OTUD5: variants seen among roughly 807,000 people sequenced by gnomAD.
The protein encoded by OTUD5 is OTU deubiquitinase 5.
A neutral mutation model predicts 36.3 loss-of-function variants in OTUD5; 2 were observed. The ratio of observed to expected loss-of-function variants is 0.06; its 90% CI spans 0.02 to 0.17. The LOEUF is 0.17. Ranked by LOEUF, OTUD5 falls within the 10% of genes least tolerant of loss-of-function variation. OTUD5 has a pLI of 1.00. For missense variants in OTUD5, 233 were observed against 512.3 expected (o/e 0.45, Z 5.26); for synonymous variants, 234 against 214.9 (o/e 1.09, Z -0.78).
intron 1 of OTUD5, among the ~76,000 whole-genome samples, chrX:48,952,983 C>T (rs1166838669): frequency 8.9e-6 from 1 of 112,164 alleles, no homozygotes; most frequent in African/African-American, 3.2e-5. Flanking sequence ...GAGGAAGAAC[C>T]GGCCAAGGTC....
At chrX:48,949,626 C>T (rs1483469156) in intron 1 of OTUD5, among the ~76,000 whole-genome samples, 1 of 111,006 alleles carries the variant, frequency 9.0e-6, no homozygotes, top group African/African-American at 3.3e-5. Flanking sequence ...TGCAGTGAGC[C>T]GAGATAGCAC....
Position 48,957,217 on chromosome X carries a change from G to A in OTUD5, c.354C>T (p.Gly118=). The change falls in exon 1 of 9, where the codon GGC becomes GGT. Residue 118 remains glycine (G), a synonymous_variant. Transcript: ENST00000376488. ...CGGCACCCACACCCGCCGCCGCTGC[G>A]CCCAGCGCGTCGCCGGGACCGCCGC... ...GPGGGPGDAL[G]AAAAGVGAAG... is the part of the protein sequence containing the mutation. 1 of 1,096,241 alleles carries A rather than the reference G, an allele frequency of 9.1e-7. No individual in the cohort carries two copies. Among genetic ancestry groups the A allele is most frequent in the African/African-American group, 1.9e-5 (1 of 51,707 alleles). The allele number at this position is 1,096,241 out of a possible 1,213,427, so 90.3% of individuals were successfully genotyped here. A position where few individuals can be genotyped will look rare whatever the true frequency, so the allele number is the denominator to read the frequency against.
At chrX:48,929,319 C>A (rs955660206) in intron 5 of OTUD5, among the ~76,000 whole-genome samples, 1 of 109,648 alleles carries the variant, frequency 9.1e-6, no homozygotes, top group Non-Finnish European at 1.9e-5. Context: ...ACCACGGAGG[C>A]TGAGGTTGCA....
rs2063601329 is a variant in OTUD5, at chrX:48,922,806, G to C, written c.*368C>G. ...TCTTGGAAGGAATGAGGGGCAGGGAGACTTTCCTCTGTCTGAATGTCTCTC... is the reference window on the plus strand; with the variant it reads ...TCTTGGAAGGAATGAGGGGCAGGGACACTTTCCTCTGTCTGAATGTCTCTC... On this transcript the variant is annotated 3_prime_UTR_variant, in exon 9 of 9. Coordinates refer to ENST00000376488, the MANE Select transcript of OTUD5 (RefSeq NM_001136157.2). 14 of 787,765 alleles carry C rather than the reference G, an allele frequency of 1.8e-5. No homozygotes were observed. Among genetic ancestry groups the C allele is most frequent in the Non-Finnish European group, 2.1e-5 (14 of 660,904 alleles). The allele number at this position is 787,765 out of a possible 1,213,427, so 64.9% of individuals were successfully genotyped here. A position where few individuals can be genotyped will look rare whatever the true frequency, so the allele number is the denominator to read the frequency against.
intron 6 of OTUD5, among the ~76,000 whole-genome samples, chrX:48,925,558 G>C (rs1433475339): frequency 9.0e-6 from 1 of 111,704 alleles, no homozygotes; most frequent in African/African-American, 3.3e-5. Context: ...TAGAGACCTG[G>C]CACACAAGGG....
chrX:48,935,067 G>C, intron 2 of OTUD5, 49 bp from the exon 3 acceptor site: 1 of 1,083,173 alleles, frequency 9.2e-7, no homozygotes, highest in Non-Finnish European at 1.3e-6. Context: ...TGCCAGAGAA[G>C]AGCTCTGAAT....
Position 48,957,545 on chromosome X carries a change from G to A in OTUD5, c.26C>T (p.Pro9Leu), listed in dbSNP as rs2064273767. 1.2e-6 allele frequency: 1 copy of A among 830,158 alleles called. No homozygotes were observed. Among genetic ancestry groups the A allele is most frequent in the Non-Finnish European group, 1.5e-6 (1 of 680,878 alleles). The allele number at this position is 830,158 out of a possible 1,213,427, so 68.4% of individuals were successfully genotyped here. A position where few individuals can be genotyped will look rare whatever the true frequency, so the allele number is the denominator to read the frequency against. Residue 9 changes from proline to leucine, a missense_variant, in exon 1 of 9, where the codon CCG (proline) becomes CTG (leucine). This residue lies in a region of OTUD5 where 155 missense variants were observed against 217.2 expected (regional missense o/e 0.71). Transcript: ENST00000376488. ...GGCGGGGTCGGCGTCGGGAGGCGGC[G>A]GCTTCTTTTTGGGGAGTATAGTCAT... MTILPKKK[P>L]PPPDADPANE... is the part of the protein sequence containing the mutation.
chrX:48,947,635 G>A (rs1201789128), intron 1 of OTUD5, among the ~76,000 whole-genome samples: 21 of 108,548 alleles, frequency 1.9e-4, no homozygotes, highest in Non-Finnish European at 3.4e-4. Context: ...CCCGGGAGGC[G>A]GAGGTTGTGG....
At chrX:48,935,102 G>A in intron 2 of OTUD5, 84 bp from the exon 3 acceptor site, 3 of 904,127 alleles carry the variant, frequency 3.3e-6, no homozygotes, top group Non-Finnish European at 4.7e-6. Context: ...TGGGGAGGAG[G>A]AACTGGGGGA....
At chrX:48,943,674 A>C (rs782693594) in intron 2 of OTUD5, among the ~76,000 whole-genome samples, 44 of 111,834 alleles carry the variant, frequency 3.9e-4, no homozygotes, top group Non-Finnish European at 7.3e-4. Flanking sequence ...ATTGAGGAAC[A>C]GAGACCCGCA....
rs781817722 is a variant in OTUD5 at position 48,923,248 on chromosome X, C to T, written c.1627G>A (p.Val543Met). ...CTGTCTAGGTATTCCTGTTGGGACA[C>T]TGCCAGCACCGAAGCTAGGATCTCA... ...DDEILASVLA[V>M]SQQEYLDSMK... Residue 543 changes from valine (V) to methionine (M), a missense_variant, in exon 9 of 9, where the codon GTG becomes ATG. By Grantham distance (21) the Val-to-Met change is conservative. Around this residue, in one of 3 missense-constraint regions of OTUD5, gnomAD observed 57 missense variants for 133.1 expected, o/e 0.43. Coordinates refer to ENST00000376488, the MANE Select transcript of OTUD5 (RefSeq NM_001136157.2). 2 of 1,209,501 alleles carry T rather than the reference C, an allele frequency of 1.7e-6. No homozygotes were observed. Among genetic ancestry groups the T allele is most frequent in the Non-Finnish European group, 2.2e-6 (2 of 893,932 alleles).
Position 48,949,427 on chromosome X carries a change from C to T in OTUD5, c.595-5144G>A, listed in dbSNP as rs192212762. ...GTACGGTGATTCACGCCTGTAATCG[C>T]GGCACTCTGGGAGGCCGAGGCGGGT... On this transcript the variant is annotated intron_variant, in intron 1 of 8. Transcript: ENST00000376488. 3.0e-4 allele frequency among the ~76,000 whole-genome samples: 33 copies of T among 111,609 alleles called. 1 individual carries two copies. The highest frequency in any genetic ancestry group is 2.9e-3 in the Admixed American group (30 of 10,488).
chrX:48,952,295 G>A (rs2064160710), intron 1 of OTUD5, among the ~76,000 whole-genome samples: 1 of 112,043 alleles, frequency 8.9e-6, no homozygotes, highest in Admixed American at 9.5e-5. Flanking sequence ...GGTTGCCAGA[G>A]GCTGGAAAGG....
chrX:48,931,081 A>G (rs1217103659), intron 5 of OTUD5, among the ~76,000 whole-genome samples: 1 of 111,932 alleles, frequency 8.9e-6, no homozygotes, highest in Non-Finnish European at 1.9e-5. Context: ...CTATGTAGAT[A>G]CTCTACCCTC....
At chrX:48,929,303 A>C (rs1163401588) in intron 5 of OTUD5, among the ~76,000 whole-genome samples, 2 of 109,795 alleles carry the variant, frequency 1.8e-5, no homozygotes, top group Non-Finnish European at 3.8e-5. Context: ...CAAGAGAATC[A>C]CTTGAACCAC....
chrX:48,945,364 G>A (rs986222229), intron 1 of OTUD5, among the ~76,000 whole-genome samples: 5 of 99,079 alleles, frequency 5.0e-5, no homozygotes, highest in African/African-American at 7.7e-5. Flanking sequence ...TCTGCCTCCC[G>A]GGTTCATGCC....
chrX:48,937,315 G>T (rs2063844253), intron 2 of OTUD5, among the ~76,000 whole-genome samples: 1 of 112,151 alleles, frequency 8.9e-6, no homozygotes, highest in African/African-American at 3.2e-5. Context: ...CTGAGCTTGG[G>T]GTACTGGGAG....
chrX:48,938,554 C>G (rs1393850898), intron 2 of OTUD5, among the ~76,000 whole-genome samples: 1 of 109,643 alleles, frequency 9.1e-6, no homozygotes, highest in East Asian at 2.9e-4. Context: ...ATTAGCCAGG[C>G]AGGGTGGTGG....
At chrX:48,955,022 C>CTGGTG (rs1482225415) in intron 1 of OTUD5, among the ~76,000 whole-genome samples, 1 of 111,830 alleles carries the variant, frequency 8.9e-6, no homozygotes, top group Non-Finnish European at 1.9e-5. Flanking sequence ...AAAGGATTGC[C>CTGGTG]TGGTGTGGTA....
Sources: allele counts gnomAD v4.1 joint callset (sites outside exome capture counted in the v4.1 genomes callset), GRCh38; gene constraint gnomAD v4.1.1; regional missense constraint gnomAD v4.1.1; transcripts MANE v1.5; gene names NCBI Gene and HGNC (gene_info 2026-07-23, HGNC 2026-07-21).